SH3YL1: variants seen among roughly 807,000 people sequenced by gnomAD.
SH3YL1 encodes SH3 domain-containing YSC84-like protein 1.
In SH3YL1, 41 loss-of-function variants were observed where a neutral mutation model predicts 45.8. The ratio of observed to expected loss-of-function variants is 0.89; its 90% CI spans 0.70 to 1.16. The LOEUF is 1.16. Ranked by LOEUF, SH3YL1 falls within the 50% of genes most tolerant of loss-of-function variation. The pLI is 0.00. For missense variants in SH3YL1, 389 were observed against 409.6 expected (o/e 0.95, Z 0.43); for synonymous variants, 152 against 151.4 (o/e 1.00, Z -0.03).
chr2:231,676 T>C (rs1458577401), intron 6 of SH3YL1, among the ~76,000 whole-genome samples: 2 of 152,218 alleles, frequency 1.3e-5, no homozygotes, highest in Non-Finnish European at 1.5e-5. Context: ...CTGCCATTCA[T>C]TAAGCAACAT....
At chr2:231,229 C>G (rs1371955224) in intron 6 of SH3YL1, 38 bp from the exon 7 acceptor site, 1 of 1,475,620 alleles carries the variant, frequency 6.8e-7, no homozygotes, top group African/African-American at 1.4e-5. Flanking sequence ...TTTTAATATA[C>G]ACAAATCTTT....
intron 9 of SH3YL1, among the ~76,000 whole-genome samples, chr2:220,381 G>C (rs1335732888): frequency 6.6e-6 from 1 of 151,932 alleles, no homozygotes; most frequent in Non-Finnish European, 1.5e-5. Flanking sequence ...AATTACACTA[G>C]AGATAATACT....
intron 5 of SH3YL1, 133 bp from the exon 6 acceptor site, chr2:233,362 C>A: frequency 9.8e-7 from 1 of 1,017,438 alleles, no homozygotes; most frequent in Admixed American, 3.8e-5. Context: ...CTATGTTTTA[C>A]TTACTGTAGG....
upstream of SH3YL1, chr2:264,803 G>A: frequency 1.3e-6 from 1 of 767,634 alleles, no homozygotes; most frequent in South Asian, 1.9e-5. Context: ...CGCCTCCGCA[G>A]GCGCACTGGA....
Position 218,735 on chromosome 2 carries a change from C to T in SH3YL1, c.*76G>A, listed in dbSNP as rs1667455122. The T allele has an allele frequency of 3.3e-6, 4 of 1,215,490 alleles. No homozygotes were observed. Among genetic ancestry groups the T allele is most frequent in the African/African-American group, 1.5e-5 (1 of 64,852 alleles). 75.3% of individuals were successfully genotyped at this position (1,215,490 alleles called of 1,614,324 possible). ...GAAGTTTTTTAAAATTTATATTAAA[C>T]ATTGCTTAACTAGTAAATCCTGTCA... On this transcript the variant is annotated 3_prime_UTR_variant, in exon 10 of 10. Coordinates refer to ENST00000356150, the MANE Select transcript of SH3YL1 (RefSeq NM_015677.4).
chr2:262,683 G>T, intron 1 of SH3YL1: 1 of 1,303,324 alleles, frequency 7.7e-7, no homozygotes, highest in South Asian at 1.2e-5. Context: ...GCAGAGTCAG[G>T]GTAGCAGTTA....
At chr2:247,743 C>A in intron 3 of SH3YL1, 141 bp from the exon 4 acceptor site, 1 of 623,634 alleles carries the variant, frequency 1.6e-6, no homozygotes, top group South Asian at 2.4e-5. Flanking sequence ...TTAAAGTGAT[C>A]TTCAAAAAGA....
intron 9 of SH3YL1, among the ~76,000 whole-genome samples, chr2:221,001 G>C (rs187399403): frequency 1.3e-5 from 2 of 152,116 alleles, no homozygotes; most frequent in African/African-American, 4.8e-5. Flanking sequence ...CAATCGATGT[G>C]CATCTGGGAA....
At chr2:256,556 G>A (rs1206125962) in intron 1 of SH3YL1, 1 of 152,188 alleles carries the variant, frequency 6.6e-6, no homozygotes, top group Non-Finnish European at 1.5e-5. Flanking sequence ...AGCCAGATGT[G>A]GTGACGTGCG....
chr2:257,726 G>A (rs1046406369), intron 1 of SH3YL1, among the ~76,000 whole-genome samples: 8 of 152,160 alleles, frequency 5.3e-5, no homozygotes, highest in South Asian at 2.1e-4. Context: ...GGGGCTGCCC[G>A]ACTTGCATAT....
intron 1 of SH3YL1, among the ~76,000 whole-genome samples, chr2:253,656 A>G (rs914685418): frequency 6.6e-6 from 1 of 152,188 alleles, no homozygotes; most frequent in Admixed American, 6.5e-5. Flanking sequence ...AACAATTGTA[A>G]GTATCCTTAG....
intron 8 of SH3YL1, among the ~76,000 whole-genome samples, chr2:228,260 C>T (rs1478912689): frequency 2.0e-5 from 3 of 152,290 alleles, no homozygotes; most frequent in Non-Finnish European, 2.9e-5. Flanking sequence ...CTGCCCATCT[C>T]CCCAAGAAAG....
intron 9 of SH3YL1, among the ~76,000 whole-genome samples, chr2:223,654 T>C (rs948484633): frequency 1.2e-4 from 18 of 152,218 alleles, no homozygotes; most frequent in African/African-American, 4.1e-4. Flanking sequence ...GCCTGTAATG[T>C]GGGTGTGAAC....
At chr2:236,977 T>A (rs979159591) in intron 4 of SH3YL1, among the ~76,000 whole-genome samples, 1 of 152,222 alleles carries the variant, frequency 6.6e-6, no homozygotes, top group Non-Finnish European at 1.5e-5. Context: ...ACTGTTCATT[T>A]TATTTTACAT....
At chr2:258,259 A>AG (rs1669441501) in intron 1 of SH3YL1, among the ~76,000 whole-genome samples, 1 of 152,222 alleles carries the variant, frequency 6.6e-6, no homozygotes, top group South Asian at 2.1e-4. Context: ...TGGCAATTTT[A>AG]ATAATGTTGA....
chr2:238,959 A>G (rs1351438157), intron 4 of SH3YL1, among the ~76,000 whole-genome samples: 2 of 152,202 alleles, frequency 1.3e-5, no homozygotes, highest in Non-Finnish European at 1.5e-5. Flanking sequence ...CTAAAGGTTG[A>G]GATTGTCGAA....
At chr2:237,654 T>C (rs1307406593) in intron 4 of SH3YL1, among the ~76,000 whole-genome samples, 4 of 152,156 alleles carry the variant, frequency 2.6e-5, no homozygotes, top group East Asian at 1.9e-4. Flanking sequence ...CAATAATCTA[T>C]TGACTATTTC....
At chr2:258,442 C>A (rs541717146) in intron 1 of SH3YL1, among the ~76,000 whole-genome samples, 13 of 152,034 alleles carry the variant, frequency 8.6e-5, no homozygotes, top group Non-Finnish European at 1.8e-4. Flanking sequence ...TATAATCTGC[C>A]ATTTCTCGAT....
intron 1 of SH3YL1, among the ~76,000 whole-genome samples, chr2:257,639 C>T (rs1245024949): frequency 6.6e-6 from 1 of 152,216 alleles, no homozygotes; most frequent in Non-Finnish European, 1.5e-5. Flanking sequence ...CTGTACGTCA[C>T]TTCCCCTTTT....
Sources: allele counts gnomAD v4.1 joint callset (sites outside exome capture counted in the v4.1 genomes callset), GRCh38; gene constraint gnomAD v4.1.1; transcripts MANE v1.5; gene names NCBI Gene and HGNC (gene_info 2026-07-23, HGNC 2026-07-21).